The following DCDC2 variants were observed in gnomAD, a reference collection of about 807,000 sequenced individuals.
DCDC2 encodes doublecortin domain containing 2.
DCDC2 carries 40 observed loss-of-function variants against 50.2 expected under a neutral mutation model. The observed-to-expected ratio is 0.80, with a 90% CI of 0.62 to 1.04. The LOEUF is 1.04. DCDC2 is among the 50% of genes least tolerant of loss of function. The probability of loss-of-function intolerance (pLI) is 0.00; values close to 1 mark genes in which losing one functional copy is unlikely to be tolerated. For missense variants in DCDC2, 570 were observed against 581.9 expected, an observed-to-expected ratio of 0.98 and a Z score of 0.21; for synonymous variants, 234 against 210.6, an observed-to-expected ratio of 1.11 and a Z score of -0.96.
chr6:24,285,921 G>A (rs1218720319), intron 6 of DCDC2, among the ~76,000 whole-genome samples: 1 of 151,998 alleles, frequency 6.6e-6, no homozygotes, highest in Non-Finnish European at 1.5e-5. Flanking sequence ...TGCACTGTGA[G>A]AATTAATAAG....
At chr6:24,298,543 C>G (rs1169547279) in intron 4 of DCDC2, among the ~76,000 whole-genome samples, 1 of 152,198 alleles carries the variant, frequency 6.6e-6, no homozygotes, top group African/African-American at 2.4e-5. Context: ...TTTTCCTGCT[C>G]TATGTCTCAC....
chr6:24,256,055 T>G (rs1405934352), intron 7 of DCDC2, among the ~76,000 whole-genome samples: 1 of 152,144 alleles, frequency 6.6e-6, no homozygotes, highest in South Asian at 2.1e-4. Flanking sequence ...TGCTGCTATA[T>G]AAGAATAACA....
intron 2 of DCDC2, among the ~76,000 whole-genome samples, chr6:24,309,326 CAA>C (rs202044201): frequency 3.2e-5 from 4 of 124,120 alleles, no homozygotes; most frequent in Admixed American, 8.2e-5. Context: ...GACTCCATCT[CAA>C]AAAAAAAAAA....
At chr6:24,270,052 G>A (rs1181452081) in intron 7 of DCDC2, among the ~76,000 whole-genome samples, 1 of 152,048 alleles carries the variant, frequency 6.6e-6, no homozygotes, top group Non-Finnish European at 1.5e-5. Context: ...AAGCTTCAGG[G>A]TCTGCTGTGA....
Position 24,242,828 on chromosome 6 carries a change from G to A in DCDC2, c.922+35221C>T, listed in dbSNP as rs748942740. On this transcript the variant is annotated intron_variant, in intron 7 of 9. Coordinates refer to ENST00000378454, the MANE Select transcript of DCDC2 (RefSeq NM_016356.5). ...AATACAAAAATTAGCCAGGCGTGGT[G>A]GCATGCACCTGTAATCCCAGCTACA... Among the ~76,000 whole-genome samples, 38 of 152,198 alleles carry A rather than the reference G, an allele frequency of 2.5e-4. 1 individual carries two copies. Among genetic ancestry groups the A allele is most frequent in the South Asian group, 4.2e-4 (2 of 4,802 alleles).
intron 7 of DCDC2, among the ~76,000 whole-genome samples, chr6:24,254,325 C>A (rs560583832): frequency 1.3e-5 from 2 of 152,200 alleles, no homozygotes; most frequent in East Asian, 3.9e-4. Context: ...ATAGAGTTAT[C>A]TATTATAATT....
At chr6:24,255,257 T>C (rs1762878187) in intron 7 of DCDC2, among the ~76,000 whole-genome samples, 1 of 151,980 alleles carries the variant, frequency 6.6e-6, no homozygotes, top group Non-Finnish European at 1.5e-5. Context: ...AACTAGATAT[T>C]CACATGGAGA....
chr6:24,207,029 G>T (rs1581586304), intron 7 of DCDC2, among the ~76,000 whole-genome samples: 1 of 152,048 alleles, frequency 6.6e-6, no homozygotes. Flanking sequence ...TTTGTGATAG[G>T]CCTACTAGAA....
chr6:24,254,087 C>G lies in DCDC2; in HGVS notation c.922+23962G>C, dbSNP rs900030013. Among the ~76,000 whole-genome samples the G allele has an allele frequency of 2.7e-5, 4 of 150,242 alleles. No homozygotes were observed. The East Asian group carries it at 7.9e-4, about 30-fold the overall frequency. ...TTCGTTAAAAACTAAGACACAAACA[C>G]ACACATTAGCCGAGGCCTACACAAG... On this transcript the variant is annotated intron_variant, in intron 7 of 9. Coordinates refer to ENST00000378454, the MANE Select transcript of DCDC2 (RefSeq NM_016356.5).
intron 7 of DCDC2, among the ~76,000 whole-genome samples, chr6:24,218,940 T>G (rs968629748): frequency 6.6e-6 from 1 of 152,236 alleles, no homozygotes; most frequent in Non-Finnish European, 1.5e-5. Context: ...AGATGGTATC[T>G]TCCAGATATC....
At chr6:24,201,991 A>G (rs1761599637) in intron 8 of DCDC2, among the ~76,000 whole-genome samples, 1 of 151,876 alleles carries the variant, frequency 6.6e-6, no homozygotes, top group African/African-American at 2.4e-5. Flanking sequence ...TGAGGCAGTA[A>G]TAGCCTGCCA....
At chr6:24,310,088 C>T (rs1581645425) in intron 2 of DCDC2, among the ~76,000 whole-genome samples, 1 of 152,128 alleles carries the variant, frequency 6.6e-6, no homozygotes, top group African/African-American at 2.4e-5. Flanking sequence ...TGCAAAATTA[C>T]AAAAGAAACA....
chr6:24,218,754 G>A (rs1207568885), intron 7 of DCDC2, among the ~76,000 whole-genome samples: 1 of 152,138 alleles, frequency 6.6e-6, no homozygotes, highest in Non-Finnish European at 1.5e-5. Context: ...CTCCCAAAGT[G>A]CCGGGATTAA....
chr6:24,201,791 A>G (rs902221004), intron 8 of DCDC2, among the ~76,000 whole-genome samples: 1 of 152,210 alleles, frequency 6.6e-6, no homozygotes, highest in Admixed American at 6.5e-5. Context: ...GATGCAATAA[A>G]AATAGATAAA....
intron 8 of DCDC2, among the ~76,000 whole-genome samples, chr6:24,184,055 CAAAG>C (rs1400082844): frequency 2.0e-5 from 3 of 152,144 alleles, no homozygotes; most frequent in Non-Finnish European, 4.4e-5. Flanking sequence ...ACCCATTAGA[CAAAG>C]AGAGTAAATG....
rs143163053 is a variant in DCDC2, at chr6:24,277,792, TG to T, written c.922+256del. The stretch of plus-strand genomic sequence containing the variant: ...AAGCAATATCAGTGGGAGCAGAGGA[TG>T]AAAAAAACATACTTTTAAAATAAGA... On this transcript the variant is annotated intron_variant, in intron 7 of 9. Transcript: ENST00000378454. Among the ~76,000 whole-genome samples, 12,217 of 152,116 alleles carry T rather than the reference TG, an allele frequency of 0.08. 644 individuals are homozygous for T. The highest frequency in any genetic ancestry group is 0.16 in the African/African-American group (6,565 of 41,462).
chr6:24,186,221 T>A (rs556167888), intron 8 of DCDC2, among the ~76,000 whole-genome samples: 1 of 152,320 alleles, frequency 6.6e-6, no homozygotes, highest in East Asian at 1.9e-4. Context: ...TATCTTCCAT[T>A]GGAATGACAG....
At chr6:24,301,929 A>T (rs376902033) in intron 3 of DCDC2, 39 bp downstream of exon 3, 541 of 1,611,834 alleles carry the variant, frequency 3.4e-4, no homozygotes, top group Non-Finnish European at 4.4e-4. Context: ...GAAACCACCA[A>T]GCCAATTTTA....
intron 2 of DCDC2, among the ~76,000 whole-genome samples, chr6:24,341,953 C>CACACACAT (rs1448078962): frequency 6.6e-6 from 1 of 152,054 alleles, no homozygotes; most frequent in African/African-American, 2.4e-5. Context: ...CGCGTACACA[C>CACACACAT]ACACACACAC....
Sources: allele counts gnomAD v4.1 joint callset (sites outside exome capture counted in the v4.1 genomes callset), GRCh38; gene constraint gnomAD v4.1.1; transcripts MANE v1.5; gene names NCBI Gene and HGNC (gene_info 2026-07-23, HGNC 2026-07-21).